The following INSIG1 variants were observed in gnomAD, a reference collection of about 807,000 sequenced individuals.
The protein encoded by INSIG1 is insulin-induced gene 1 protein.
INSIG1 carries 14 observed loss-of-function variants against 26.5 expected under a neutral mutation model. The observed-to-expected ratio is 0.53, with a 90% CI of 0.35 to 0.83. The LOEUF is 0.83. Among genes scored for constraint, INSIG1 ranks in the 40% least tolerant of loss-of-function variants. The pLI is 0.01. For missense variants in INSIG1, 272 were observed against 368.9 expected (o/e 0.74, Z 2.15); for synonymous variants, 147 against 153.3 (o/e 0.96, Z 0.30).
chr7:155,302,673 T>C lies in INSIG1; in HGVS notation c.705-74T>C. 1 of 1,087,650 alleles carries C rather than the reference T, an allele frequency of 9.2e-7. No homozygotes were observed. Among genetic ancestry groups the C allele is most frequent in the South Asian group, 1.3e-5 (1 of 78,648 alleles). The allele number at this position is 1,087,650 out of a possible 1,614,324, so 67.4% of individuals were successfully genotyped here. On this transcript the variant is annotated intron_variant, in intron 4 of 5. Coordinates refer to ENST00000340368, the MANE Select transcript of INSIG1 (RefSeq NM_005542.6). This position sits in a 1 kb window ranked among gnomAD's most constrained non-coding sequence, Gnocchi z 4.3. ...TGATATGCGTTCTGCATATCCCCAC[T>C]ACAGAGAATCTGTGATGTAGAATTG...
intron 5 of INSIG1, among the ~76,000 whole-genome samples, chr7:155,306,535 C>T (rs1490248539): frequency 6.6e-6 from 1 of 152,236 alleles, no homozygotes; most frequent in Non-Finnish European, 1.5e-5. Flanking sequence ...TGACCCAATT[C>T]AGCTGCTAAT....
In INSIG1 at chr7:155,302,153, T is replaced by C; in HGVS notation, c.538-98T>C. Reference sequence around the variant, plus strand: ...TTTATGGACAGTGAATTATCTGTGGTACAATAATAAAATACCCATGTTTTT... The same window carrying C: ...TTTATGGACAGTGAATTATCTGTGGCACAATAATAAAATACCCATGTTTTT... On this transcript the variant is annotated intron_variant, in intron 3 of 5. Transcript: ENST00000340368. The surrounding 1 kb of genome is among the most constrained non-coding windows in gnomAD (Gnocchi z 4.3). The C allele has an allele frequency of 1.1e-6, 1 of 896,244 alleles. No homozygotes were observed. Among genetic ancestry groups the C allele is most frequent in the Non-Finnish European group, 1.7e-6 (1 of 602,706 alleles). 55.5% of individuals were successfully genotyped at this position (896,244 alleles called of 1,614,324 possible). A position where few individuals can be genotyped will look rare whatever the true frequency, so the allele number is the denominator to read the frequency against.
rs1337082771 is a variant in INSIG1 at position 155,302,520 on chromosome 7, A to G, written c.704+103A>G. 4 of 1,200,696 alleles carry G rather than the reference A, an allele frequency of 3.3e-6. No individual in the cohort carries two copies. Among genetic ancestry groups the G allele is most frequent in the Non-Finnish European group, 4.5e-6 (4 of 881,632 alleles). The allele number at this position is 1,200,696 out of a possible 1,614,324, so 74.4% of individuals were successfully genotyped here. On this transcript the variant is annotated intron_variant, in intron 4 of 5. Transcript: ENST00000340368. The surrounding 1 kb of genome is among the most constrained non-coding windows in gnomAD (Gnocchi z 4.3). ...TTCATATTTTATTTGTTTTTTATATAGAATGATACAGATTTAGGCATGAAA... is the reference window on the plus strand; with the variant it reads ...TTCATATTTTATTTGTTTTTTATATGGAATGATACAGATTTAGGCATGAAA...
At chr7:155,304,284 C>T (rs999290949) in intron 5 of INSIG1, among the ~76,000 whole-genome samples, 2 of 152,150 alleles carry the variant, frequency 1.3e-5, no homozygotes, top group South Asian at 2.1e-4. Context: ...AAAATCTGGT[C>T]GGATGGTCCC....
intron 3 of INSIG1, among the ~76,000 whole-genome samples, chr7:155,301,916 T>A (rs1392757634): frequency 3.7e-5 from 4 of 109,420 alleles, no homozygotes; most frequent in East Asian, 2.1e-4. Flanking sequence ...ATTTATATTT[T>A]TATATATATT....
At chr7:155,298,843 T>G (rs942522263) in intron 2 of INSIG1, 146 bp downstream of exon 2, 1 of 931,878 alleles carries the variant, frequency 1.1e-6, no homozygotes. Context: ...TTTAGAGAAA[T>G]GAAGGAGGGG....
chr7:155,299,072 G>A (rs1008202245), intron 2 of INSIG1, among the ~76,000 whole-genome samples: 4 of 152,248 alleles, frequency 2.6e-5, no homozygotes, highest in African/African-American at 9.6e-5. Flanking sequence ...CTGGTGAGCA[G>A]CGGGACTGAA....
intron 1 of INSIG1, 90 bp from the exon 2 acceptor site, chr7:155,298,169 C>G (rs1361575151): frequency 2.6e-6 from 3 of 1,164,088 alleles, no homozygotes; most frequent in Non-Finnish European, 2.3e-6. Context: ...GCGGCGCTGC[C>G]GCCTGGCCCG....
chr7:155,301,569 T>C lies in INSIG1; in HGVS notation c.416T>C (p.Val139Ala). Residue 139 changes from valine (V) to alanine (A), a missense_variant, in exon 3 of 6, where the codon GTT becomes GCT. Physicochemically the swap from Val to Ala is moderately conservative, Grantham distance 64 (BLOSUM62 0). Transcript: ENST00000340368. ...ATTGTCAACTTTTTTAAAACAGCTG[T>C]TGTTGGCCTACTGTACCCCTGTATC... Reference protein sequence around the residue: ...VPPCCGTAAAVVGLLYPCIDS... With the variant: ...VPPCCGTAAAAVGLLYPCIDS... 1.2e-6 allele frequency: 2 copies of C among 1,603,136 alleles called. No individual in the cohort carries two copies. Among genetic ancestry groups the C allele is most frequent in the Non-Finnish European group, 1.7e-6 (2 of 1,173,290 alleles).
intron 2 of INSIG1, among the ~76,000 whole-genome samples, chr7:155,299,693 G>C (rs1222725147): frequency 6.6e-6 from 1 of 152,230 alleles, no homozygotes; most frequent in Non-Finnish European, 1.5e-5. Context: ...ACGTTTGTCA[G>C]CTGACTGCTG....
At chr7:155,299,329 AGCATAGATGCTGTACAACGTAACACTG>A (rs1334347648) in intron 2 of INSIG1, among the ~76,000 whole-genome samples, 1 of 152,232 alleles carries the variant, frequency 6.6e-6, no homozygotes, top group Non-Finnish European at 1.5e-5. Flanking sequence ...CCCAAGCAGT[AGCATAGATGCTGTACAACGTAACACTG>A]AGTCAGTCTG....
chr7:155,298,726 G>A (rs957814679), intron 2 of INSIG1, 29 bp downstream of exon 2: 8 of 1,585,844 alleles, frequency 5.0e-6, no homozygotes, highest in South Asian at 1.1e-5. Context: ...TCTTCTGGAA[G>A]TAAAAAGGGT....
rs143931518 is a variant in INSIG1 at position 155,298,649 on chromosome 7, A to G, written c.364A>G (p.Ile122Val). ...CTTCCCCGAGGAGGTGATCGCCACC[A>G]TCTTTTCCTCCGCCTGGTGGGTCCC... is the stretch of plus-strand genomic sequence containing the variant. ...TLFPEEVIAT[I>V]FSSAWWVPPC... is the part of the protein sequence containing the mutation. The change falls in exon 2 of 6, where the codon ATC becomes GTC. Residue 122 changes from isoleucine (I) to valine (V), a missense_variant. This residue lies in a region of INSIG1 where 161 missense variants were observed against 179.2 expected (regional missense o/e 0.90). Transcript: ENST00000340368. The G allele has an allele frequency of 3.6e-4, 573 of 1,612,778 alleles. No homozygotes were observed. The highest frequency in any genetic ancestry group is 1.5e-3 in the Middle Eastern group (9 of 6,082).
chr7:155,306,485 G>A (rs931287014), intron 5 of INSIG1, among the ~76,000 whole-genome samples: 1 of 152,190 alleles, frequency 6.6e-6, no homozygotes, highest in African/African-American at 2.4e-5. Flanking sequence ...GCCCACCTCA[G>A]TGTCAGCTTG....
Position 155,298,474 on chromosome 7 carries a change from C to T in INSIG1, c.189C>T (p.Arg63=), listed in dbSNP as rs542907825. 3.3e-5 allele frequency: 52 copies of T among 1,562,122 alleles called. No individual in the cohort carries two copies. The East Asian group carries it at 6.7e-4, about 20-fold the overall frequency. The stretch of plus-strand genomic sequence containing the variant: ...ACGCTGACCCCGCGCCCAGGGGCCG[C>T]AGTGCTGCGATGAGCGGCCCCGAGC... The part of the protein sequence containing the change: ...APDADPAPRG[R]SAAMSGPEPG... Residue 63 remains arginine, a synonymous_variant, in exon 2 of 6, where the codon CGC becomes CGT. Transcript: ENST00000340368.
chr7:155,302,443 C>T lies in INSIG1; in HGVS notation c.704+26C>T, dbSNP rs1310993148. 6.5e-7 allele frequency: 1 copy of T among 1,539,160 alleles called. No individual in the cohort carries two copies. Among genetic ancestry groups the T allele is most frequent in the African/African-American group, 1.4e-5 (1 of 71,912 alleles). On this transcript the variant is annotated intron_variant, in intron 4 of 5. Transcript: ENST00000340368. The surrounding 1 kb of genome is among the most constrained non-coding windows in gnomAD (Gnocchi z 4.3). ...GTAAGTGTGTGTTTTCAAATATTGGCTTTGGAAAGCTTACTTAACTTTCAT... is the reference window on the plus strand; with the variant it reads ...GTAAGTGTGTGTTTTCAAATATTGGTTTTGGAAAGCTTACTTAACTTTCAT...
At chr7:155,301,964 T>C (rs185542040) in intron 3 of INSIG1, among the ~76,000 whole-genome samples, 3 of 147,266 alleles carry the variant, frequency 2.0e-5, no homozygotes, top group East Asian at 3.9e-4. Flanking sequence ...ATATAATAAA[T>C]ATATATTTAT....
At chr7:155,306,007 A>G (rs1399864947) in intron 5 of INSIG1, among the ~76,000 whole-genome samples, 5 of 151,714 alleles carry the variant, frequency 3.3e-5, no homozygotes, top group African/African-American at 1.2e-4. Flanking sequence ...TTTTATTTTT[A>G]CTTTTTTTGA....
At chr7:155,306,611 C>T (rs777521012) in intron 5 of INSIG1, among the ~76,000 whole-genome samples, 2 of 152,236 alleles carry the variant, frequency 1.3e-5, no homozygotes, top group African/African-American at 4.8e-5. Flanking sequence ...GCACAGGAGG[C>T]ATTGTGCTGA....
Sources: gnomAD v4.1 joint callset for allele counts (sites outside exome capture counted in the v4.1 genomes callset) on GRCh38, gnomAD v4.1.1 for gene constraint, gnomAD v4.1.1 regional missense constraint, Gnocchi (gnomAD v3.1) non-coding constraint, MANE v1.5 for transcripts, NCBI Gene and HGNC (gene_info 2026-07-23, HGNC 2026-07-21) for gene names.